Variants in PMS1 observed in about 807,000 individuals in gnomAD.
The protein encoded by PMS1 is PMS1 homolog 1, mismatch repair system component, also known as PMS1 protein homolog 1.
PMS1 carries 79 observed loss-of-function variants against 93.1 expected under a neutral mutation model. The observed-to-expected ratio is 0.85, with a 90% CI of 0.71 to 1.02. The LOEUF (loss-of-function observed/expected upper bound fraction) is 1.02. Ranked by LOEUF, PMS1 falls within the 50% of genes least tolerant of loss-of-function variation. PMS1 has a pLI of 0.00. For missense variants in PMS1, 1,064 were observed against 1,085.3 expected, an observed-to-expected ratio of 0.98 and a Z score of 0.28; for synonymous variants, 335 against 363.4, an observed-to-expected ratio of 0.92 and a Z score of 0.89.
At chr2:189,849,457 ACTTTT>A (rs1356662688) in intron 6 of PMS1, among the ~76,000 whole-genome samples, 2 of 152,010 alleles carry the variant, frequency 1.3e-5, no homozygotes, top group South Asian at 4.2e-4. Context: ...AGTGTACGCT[ACTTTT>A]CTTTTTTAAG....
At chr2:189,785,782 TGAGA>T (rs922809492) in intron 1 of PMS1, among the ~76,000 whole-genome samples, 6 of 152,152 alleles carry the variant, frequency 3.9e-5, no homozygotes, top group African/African-American at 1.4e-4. Context: ...AGAAGTCAGC[TGAGA>T]GAGAACCATG....
chr2:189,846,850 ACTTCTTTTT>A (rs1481826834), intron 6 of PMS1, among the ~76,000 whole-genome samples: 1 of 146,014 alleles, frequency 6.8e-6, no homozygotes, highest in East Asian at 2.0e-4. Context: ...AATACATTCC[ACTTCTTTTT>A]TTTCTTTTTT....
chr2:189,814,830 G>T lies in PMS1; in HGVS notation c.419-3187G>T, dbSNP rs574485663. ...ACGATACTCTGGGCCAGGCGCTGTGGCTGACGCCTGTAATCCCAGCACTTT... is the reference window on the plus strand; with the variant it reads ...ACGATACTCTGGGCCAGGCGCTGTGTCTGACGCCTGTAATCCCAGCACTTT... On this transcript the variant is annotated intron_variant, in intron 4 of 12. Coordinates refer to ENST00000441310, the MANE Select transcript of PMS1 (RefSeq NM_000534.5). 5.9e-5 allele frequency among the ~76,000 whole-genome samples: 9 copies of T among 152,290 alleles called. 1 individual carries two copies. The East Asian group carries it at 1.5e-3, about 26-fold the overall frequency.
intron 5 of PMS1, among the ~76,000 whole-genome samples, chr2:189,818,611 C>CT (rs2051533586): frequency 6.6e-6 from 1 of 152,120 alleles, no homozygotes; most frequent in Admixed American, 6.5e-5. Context: ...TGTAAAGAGT[C>CT]TTTTTTTCAA....
chr2:189,801,293 G>T (rs2049867496), intron 3 of PMS1, among the ~76,000 whole-genome samples: 1 of 152,162 alleles, frequency 6.6e-6, no homozygotes, highest in Admixed American at 6.5e-5. Context: ...ATAACAGCAA[G>T]CATAACTTCT....
At chr2:189,849,206 C>T (rs770072318) in intron 6 of PMS1, among the ~76,000 whole-genome samples, 19 of 152,054 alleles carry the variant, frequency 1.2e-4, no homozygotes, top group Admixed American at 2.0e-4. Flanking sequence ...CATTTCCCAT[C>T]GTGACTTTGT....
At chr2:189,810,271 C>T (rs994106820) in intron 4 of PMS1, among the ~76,000 whole-genome samples, 6 of 152,100 alleles carry the variant, frequency 3.9e-5, no homozygotes, top group East Asian at 1.9e-4. Flanking sequence ...TTGCTATCTG[C>T]GTAGCAATGA....
Position 189,843,994 on chromosome 2 carries a change from G to C in PMS1, c.613G>C (p.Asp205His), listed in dbSNP as rs764936813. Residue 205 changes from aspartate to histidine, a missense_variant, in exon 6 of 13, where the codon GAT (aspartate) becomes CAT (histidine). Transcript: ENST00000441310. ...AVIWQKSRVS[D>H]HKMALMSVLG... ...TATTTGGCAGAAAAGCAGAGTATCAGATCACAAGATGGCTCTCATGTCAGT... is the reference window on the plus strand; with the variant it reads ...TATTTGGCAGAAAAGCAGAGTATCACATCACAAGATGGCTCTCATGTCAGT... The C allele has an allele frequency of 3.7e-6, 6 of 1,613,984 alleles. No individual in the cohort carries two copies. Among genetic ancestry groups the C allele is most frequent in the Middle Eastern group, 1.7e-4 (1 of 6,056 alleles).
intron 3 of PMS1, among the ~76,000 whole-genome samples, chr2:189,799,384 A>G (rs2049671479): frequency 6.6e-6 from 1 of 152,170 alleles, no homozygotes; most frequent in Non-Finnish European, 1.5e-5. Context: ...TTACATATGT[A>G]TACTCCTGAT....
intron 5 of PMS1, among the ~76,000 whole-genome samples, chr2:189,826,516 C>T (rs2052445270): frequency 6.8e-6 from 1 of 146,552 alleles, no homozygotes; most frequent in African/African-American, 2.5e-5. Context: ...TTCATGTGTT[C>T]CTCTTTTGTT....
Position 189,873,552 on chromosome 2 carries a change from T to C in PMS1, c.2530T>C (p.Phe844Leu). ...EIEGMANCLP[F>L]YGVADLKEIL... ...AGAAGGAATGGCTAATTGTCTCCCA[T>C]TCTATGGAGTAGCAGATTTAAAAGA... Residue 844 changes from phenylalanine (F) to leucine (L), a missense_variant, in exon 12 of 13, where the codon TTC (phenylalanine) becomes CTC (leucine). Transcript: ENST00000441310. 1 of 1,599,048 alleles carries C rather than the reference T, an allele frequency of 6.3e-7. No individual in the cohort carries two copies. Among genetic ancestry groups the C allele is most frequent in the Non-Finnish European group, 8.6e-7 (1 of 1,166,360 alleles).
At chr2:189,869,694 A>G (rs1465678620) in intron 11 of PMS1, among the ~76,000 whole-genome samples, 1 of 151,834 alleles carries the variant, frequency 6.6e-6, no homozygotes, top group Non-Finnish European at 1.5e-5. Context: ...GCAGGTGCCT[A>G]TGATCCCAGC....
At chr2:189,871,910 A>G (rs1391924549) in intron 11 of PMS1, among the ~76,000 whole-genome samples, 1 of 152,192 alleles carries the variant, frequency 6.6e-6, no homozygotes, top group African/African-American at 2.4e-5. Flanking sequence ...GGCAGAAGGC[A>G]ACAAGGAGCC....
intron 4 of PMS1, among the ~76,000 whole-genome samples, chr2:189,809,476 C>CTTTTTTTTTTTTTTTT (rs1575097384): frequency 1.1e-3 from 40 of 36,206 alleles, no homozygotes; most frequent in Admixed American, 1.3e-3. Context: ...TTTTTTTTTG[C>CTTTTTTTTTTTTTTTT]TTTTTGAGAC....
At chr2:189,848,599 A>G (rs768422322) in intron 6 of PMS1, among the ~76,000 whole-genome samples, 1 of 152,168 alleles carries the variant, frequency 6.6e-6, no homozygotes, top group Admixed American at 6.5e-5. Flanking sequence ...CATCATAGAT[A>G]TGAGAATTTT....
chr2:189,855,597 T>G (rs1268918097), intron 9 of PMS1, among the ~76,000 whole-genome samples: 1 of 152,018 alleles, frequency 6.6e-6, no homozygotes, highest in Non-Finnish European at 1.5e-5. Flanking sequence ...AAATTTGTAT[T>G]ATTGGCGATT....
chr2:189,825,050 A>T (rs1283871610), intron 5 of PMS1, among the ~76,000 whole-genome samples: 1 of 152,138 alleles, frequency 6.6e-6, no homozygotes, highest in Non-Finnish European at 1.5e-5. Flanking sequence ...TTAGAGACAA[A>T]CAATCATATT....
intron 5 of PMS1, among the ~76,000 whole-genome samples, chr2:189,843,004 A>G (rs950803537): frequency 7.3e-5 from 10 of 137,822 alleles, no homozygotes; most frequent in South Asian, 7.0e-4. Context: ...GTGTGTGTGT[A>G]TATATATATT....
intron 6 of PMS1, among the ~76,000 whole-genome samples, chr2:189,851,238 T>G (rs2054688510): frequency 6.6e-6 from 1 of 152,154 alleles, no homozygotes; most frequent in Admixed American, 6.5e-5. Flanking sequence ...CCAACCAAGG[T>G]GGTGTGAAAG....
Sources: allele counts gnomAD v4.1 joint callset (sites outside exome capture counted in the v4.1 genomes callset), GRCh38; gene constraint gnomAD v4.1.1; transcripts MANE v1.5; gene names NCBI Gene and HGNC (gene_info 2026-07-23, HGNC 2026-07-21).